The following KCNC2 variants were observed in gnomAD, a reference collection of about 807,000 sequenced individuals.
KCNC2 encodes voltage-gated potassium channel KCNC2.
Under a neutral mutation model 44.5 loss-of-function variants are expected in KCNC2, and 21 were observed. That is an observed-to-expected ratio of 0.47 (90% confidence interval 0.33 to 0.68). The LOEUF (loss-of-function observed/expected upper bound fraction) is 0.68, where lower values mean the gene tolerates loss of function less well. KCNC2 is among the 30% of genes least tolerant of loss of function. The pLI is 0.01. For missense variants in KCNC2, 589 were observed against 826.2 expected (o/e 0.71, Z 3.52); for synonymous variants, 391 against 339.1 (o/e 1.15, Z -1.68).
chr12:75,049,651 A>G (rs1880956664), intron 3 of KCNC2, among the ~76,000 whole-genome samples: 2 of 152,042 alleles, frequency 1.3e-5, no homozygotes, highest in African/African-American at 4.8e-5. Context: ...AACCCAACAC[A>G]TTGTACCTAA....
At chr12:75,045,144 G>T (rs1028521716) in intron 4 of KCNC2, among the ~76,000 whole-genome samples, 4 of 151,900 alleles carry the variant, frequency 2.6e-5, no homozygotes, top group Non-Finnish European at 5.9e-5. Flanking sequence ...TCGATTAAAG[G>T]CGAAGTGGTG....
chr12:75,126,930 A>T (rs1888466696), intron 2 of KCNC2, among the ~76,000 whole-genome samples: 1 of 152,174 alleles, frequency 6.6e-6, no homozygotes, highest in Non-Finnish European at 1.5e-5. Context: ...TGACACTGGC[A>T]TATTAAAAGA....
intron 2 of KCNC2, among the ~76,000 whole-genome samples, chr12:75,091,464 T>G: frequency 6.6e-6 from 1 of 151,658 alleles, no homozygotes; most frequent in East Asian, 1.9e-4. Context: ...TCTTCGTACA[T>G]AGTTCTGTTT....
At chr12:75,190,420 TAA>T (rs200153171) in intron 2 of KCNC2, among the ~76,000 whole-genome samples, 2 of 152,220 alleles carry the variant, frequency 1.3e-5, no homozygotes, top group Non-Finnish European at 2.9e-5. Context: ...GAGGTGATGC[TAA>T]CAATCAAAGG....
At chr12:75,175,824 A>G (rs1274474974) in intron 2 of KCNC2, among the ~76,000 whole-genome samples, 1 of 152,114 alleles carries the variant, frequency 6.6e-6, no homozygotes, top group Non-Finnish European at 1.5e-5. Context: ...ATCAAAGTCA[A>G]GTATTCAATA....
intron 2 of KCNC2, among the ~76,000 whole-genome samples, chr12:75,174,013 T>C (rs545662964): frequency 1.7e-4 from 26 of 151,954 alleles, no homozygotes; most frequent in Non-Finnish European, 2.9e-4. Flanking sequence ...CATCTTCTGA[T>C]TTTTTTCATA....
chr12:75,160,111 G>A (rs191984874), intron 2 of KCNC2, among the ~76,000 whole-genome samples: 3 of 151,972 alleles, frequency 2.0e-5, no homozygotes, highest in Admixed American at 2.0e-4. Context: ...TTTGGAGATA[G>A]GACCTTTAAG....
In KCNC2 at chr12:75,041,040, A is replaced by G. The variant is rs1377668631; in HGVS notation, c.*2065T>C. ...TGAGTTCCAGCCGCAGTTCTTTTATAAGCTTTAAGTGCCTCATGAAGACGC... is the reference window on the plus strand; with the variant it reads ...TGAGTTCCAGCCGCAGTTCTTTTATGAGCTTTAAGTGCCTCATGAAGACGC... On this transcript the variant is annotated 3_prime_UTR_variant, in exon 5 of 5. Transcript: ENST00000549446. The G allele has an allele frequency of 3.7e-6, 5 of 1,358,844 alleles. No individual in the cohort carries two copies. The highest frequency in any genetic ancestry group is 2.9e-5 in the African/African-American group (2 of 69,962). 84.2% of individuals were successfully genotyped at this position (1,358,844 alleles called of 1,614,324 possible).
Position 75,040,509 on chromosome 12 carries a change from T to C in KCNC2, c.*2596A>G, listed in dbSNP as rs927710204. On this transcript the variant is annotated 3_prime_UTR_variant, in exon 5 of 5. Transcript: ENST00000549446. ...TAAAAAAATACTCTCATTGCCAGAA[T>C]TATGTTTTTGTAATATTTATAATTG... 3 of 152,704 alleles carry C rather than the reference T, an allele frequency of 2.0e-5. No homozygotes were observed. The highest frequency in any genetic ancestry group is 1.3e-4 in the Admixed American group (2 of 15,292). The allele number at this position is 152,704 out of a possible 1,614,324, so 9.5% of individuals were successfully genotyped here. A position where few individuals can be genotyped will look rare whatever the true frequency, so the allele number is the denominator to read the frequency against.
At chr12:75,064,322 T>C (rs1186404371) in intron 2 of KCNC2, among the ~76,000 whole-genome samples, 1 of 152,086 alleles carries the variant, frequency 6.6e-6, no homozygotes, top group African/African-American at 2.4e-5. Flanking sequence ...TCCCCACATA[T>C]TGGATAAATA....
chr12:75,080,463 C>A (rs2137076556), intron 2 of KCNC2, among the ~76,000 whole-genome samples: 1 of 151,344 alleles, frequency 6.6e-6, no homozygotes, highest in East Asian at 1.9e-4. Context: ...TGGTATAAAC[C>A]AACTAGCCAT....
intron 2 of KCNC2, among the ~76,000 whole-genome samples, chr12:75,201,185 G>C (rs1264544842): frequency 7.4e-6 from 1 of 134,494 alleles, no homozygotes; most frequent in Non-Finnish European, 1.6e-5. Context: ...GAGCTAACCT[G>C]TTTCTATGGT....
intron 2 of KCNC2, among the ~76,000 whole-genome samples, chr12:75,154,019 C>T (rs1890593710): frequency 6.6e-6 from 1 of 151,934 alleles, no homozygotes; most frequent in South Asian, 2.1e-4. Flanking sequence ...TGGACCTGCA[C>T]AGTTCAAACT....
chr12:75,182,463 G>C (rs1892651659), intron 2 of KCNC2, among the ~76,000 whole-genome samples: 1 of 145,970 alleles, frequency 6.9e-6, no homozygotes, highest in Admixed American at 6.9e-5. Flanking sequence ...GCGGAGCTTA[G>C]TGAGCCCAGA....
At chr12:75,056,221 G>A (rs12296973) in intron 2 of KCNC2, among the ~76,000 whole-genome samples, 3 of 151,848 alleles carry the variant, frequency 2.0e-5, no homozygotes, top group African/African-American at 4.8e-5. Flanking sequence ...AATTCCACTG[G>A]AGCCAACACA....
In KCNC2 at chr12:75,084,290, T is replaced by TAGATAGATGATAGATA. The variant is rs200893949; in HGVS notation, c.688-32974_688-32973insTATCTATCATCTATCT. ...TAGATTAGATAGATAGATAGATAGA[T>TAGATAGATGATAGATA]GATAGATAGATAGATAGATAGATAG... On this transcript the variant is annotated intron_variant, in intron 2 of 4. Coordinates refer to ENST00000549446, the MANE Select transcript of KCNC2 (RefSeq NM_139137.4). 1.7e-3 allele frequency among the ~76,000 whole-genome samples: 209 copies of TAGATAGATGATAGATA among 123,728 alleles called. 1 individual carries two copies. The highest frequency in any genetic ancestry group is 5.3e-3 in the African/African-American group (149 of 28,156). The allele number at this position is 123,728 out of a possible 152,430, so 81.2% of individuals were successfully genotyped here.
intron 2 of KCNC2, among the ~76,000 whole-genome samples, chr12:75,114,056 C>T (rs1887462974): frequency 6.6e-6 from 1 of 152,072 alleles, no homozygotes; most frequent in Non-Finnish European, 1.5e-5. Context: ...TCAGATAAAT[C>T]AAAAGAAGAC....
chr12:75,187,197 A>T (rs1042443466), intron 2 of KCNC2, among the ~76,000 whole-genome samples: 3 of 152,220 alleles, frequency 2.0e-5, no homozygotes, highest in Non-Finnish European at 4.4e-5. Flanking sequence ...CACAATGTGC[A>T]TTGTAAATTT....
intron 2 of KCNC2, among the ~76,000 whole-genome samples, chr12:75,109,705 C>T (rs1162056354): frequency 6.6e-6 from 1 of 151,834 alleles, no homozygotes; most frequent in African/African-American, 2.4e-5. Context: ...TATACAGGAC[C>T]CTAAAACCCT....
Sources: allele counts gnomAD v4.1 joint callset (sites outside exome capture counted in the v4.1 genomes callset), GRCh38; gene constraint gnomAD v4.1.1; transcripts MANE v1.5; gene names NCBI Gene and HGNC (gene_info 2026-07-23, HGNC 2026-07-21).